Variants in GRIK4 observed in about 807,000 individuals in gnomAD.
The protein encoded by GRIK4 is glutamate receptor ionotropic, kainate 4.
In GRIK4, 40 loss-of-function variants were observed where a neutral mutation model predicts 104.9. The observed-to-expected ratio is 0.38, with a 90% CI of 0.30 to 0.50. The LOEUF (loss-of-function observed/expected upper bound fraction) is 0.50, where lower values mean the gene tolerates loss of function less well. GRIK4 is among the 20% of genes least tolerant of loss of function. The pLI is 0.93. For synonymous variants in GRIK4, 485 were observed against 524.9 expected (o/e 0.92, Z 1.04); for missense variants, 1,047 against 1,308.1 (o/e 0.80, Z 3.08).
At chr11:120,765,599 T>G (rs1951822957) in intron 3 of GRIK4, among the ~76,000 whole-genome samples, 2 of 152,226 alleles carry the variant, frequency 1.3e-5, no homozygotes. Context: ...CGTGGATTTA[T>G]CTACCTTTGG....
At chr11:120,830,986 CCCTCCTCCCACCAGGG>C (rs1464370883) in intron 6 of GRIK4, among the ~76,000 whole-genome samples, 2 of 151,842 alleles carry the variant, frequency 1.3e-5, no homozygotes, top group African/African-American at 4.8e-5. Flanking sequence ...ATTCTGGAAC[CCCTCCTCCCACCAGGG>C]CCCTAGGCAT....
intron 3 of GRIK4, among the ~76,000 whole-genome samples, chr11:120,668,281 GAGAA>G (rs947481134): frequency 5.7e-5 from 8 of 140,952 alleles, no homozygotes; most frequent in South Asian, 2.3e-4. Context: ...AGAAAAAAGA[GAGAA>G]AGAGAGAAAG....
chr11:120,672,567 A>G (rs1950037618), intron 3 of GRIK4, among the ~76,000 whole-genome samples: 1 of 152,224 alleles, frequency 6.6e-6, no homozygotes, highest in African/African-American at 2.4e-5. Flanking sequence ...ATCCATGAGC[A>G]TGGAATGTTT....
intron 11 of GRIK4, among the ~76,000 whole-genome samples, chr11:120,898,042 G>A (rs777065226): frequency 2.2e-4 from 33 of 152,156 alleles, no homozygotes; most frequent in Admixed American, 5.2e-4. Flanking sequence ...ATCTGGACTA[G>A]ACCTGTTTAG....
chr11:120,620,012 CTGTTAG>C, intron 1 of GRIK4: 1 of 496,348 alleles, frequency 2.0e-6, no homozygotes. Flanking sequence ...CTCGGTGGAG[CTGTTAG>C]CGTAGTGAAC....
Position 120,711,698 on chromosome 11 carries a change from T to C in GRIK4, c.82+51298T>C, listed in dbSNP as rs73586364. Among the ~76,000 whole-genome samples the C allele has an allele frequency of 7.8e-3, 1,191 of 152,324 alleles. 17 individuals carry two copies. Among genetic ancestry groups the C allele is most frequent in the African/African-American group, 0.027 (1,120 of 41,570 alleles). ...TTTTCCAGAAAAGAACTTCCCAAAA[T>C]GTCCATTGCAGGATGATCCAATAGA... On this transcript the variant is annotated intron_variant, in intron 3 of 20. Transcript: ENST00000527524.
rs759812835 is a variant in GRIK4 at position 120,874,091 on chromosome 11, C to T, written c.932C>T (p.Ala311Val). 2 of 1,611,014 alleles carry T rather than the reference C, an allele frequency of 1.2e-6. No homozygotes were observed. The highest frequency in any genetic ancestry group is 2.2e-5 in the South Asian group (2 of 90,920). Residue 311 changes from alanine to valine, a missense_variant, in exon 10 of 21, where the codon GCT (alanine) becomes GTT (valine). By Grantham distance (64) the Ala-to-Val change is moderately conservative (BLOSUM62 0). Coordinates refer to ENST00000527524, the MANE Select transcript of GRIK4 (RefSeq NM_014619.5). ...CTCTCCTCGGCCCTGCTGTTTGATG[C>T]TGTCTATGCTGTGGTGACTGCGGTG... ...PALSSALLFD[A>V]VYAVVTAVQE...
chr11:120,597,947 A>G (rs1445932159), intron 1 of GRIK4, among the ~76,000 whole-genome samples: 1 of 152,122 alleles, frequency 6.6e-6, no homozygotes, highest in East Asian at 1.9e-4. Flanking sequence ...TGTTTTCTGC[A>G]TTTTACTTAG....
At chr11:120,597,761 G>A (rs1317313) in intron 1 of GRIK4, among the ~76,000 whole-genome samples, 6,179 of 152,172 alleles carry the variant, frequency 0.041, 386 homozygotes, top group African/African-American at 0.14. Context: ...ATCTGAAAGC[G>A]AAAGGGAAAT....
chr11:120,736,817 G>A (rs1951232558), intron 3 of GRIK4, among the ~76,000 whole-genome samples: 1 of 151,256 alleles, frequency 6.6e-6, no homozygotes, highest in African/African-American at 2.4e-5. Flanking sequence ...ACTGAAAAAG[G>A]CCTAGAAAGT....
At chr11:120,591,708 G>A (rs17311317) in intron 1 of GRIK4, among the ~76,000 whole-genome samples, 42,613 of 152,010 alleles carry the variant, frequency 0.28, 7,752 homozygotes, top group Non-Finnish European at 0.41. Flanking sequence ...AGACAGCTCT[G>A]TTGTGTGTTT....
intron 1 of GRIK4, among the ~76,000 whole-genome samples, chr11:120,583,210 T>C (rs1380580687): frequency 1.3e-5 from 2 of 152,248 alleles, no homozygotes; most frequent in Non-Finnish European, 2.9e-5. Flanking sequence ...GTTTGGTTTT[T>C]GCTTGTTAAT....
At chr11:120,669,926 G>T (rs1246614610) in intron 3 of GRIK4, among the ~76,000 whole-genome samples, 2 of 152,136 alleles carry the variant, frequency 1.3e-5, no homozygotes, top group African/African-American at 4.8e-5. Flanking sequence ...ATCCCCACTG[G>T]GATGTCTAAC....
At chr11:120,661,220 G>A (rs559946095) in intron 3 of GRIK4, among the ~76,000 whole-genome samples, 19 of 152,284 alleles carry the variant, frequency 1.2e-4, no homozygotes, top group African/African-American at 4.3e-4. Context: ...GGGTGTCGGG[G>A]ATCAGGGGTG....
In GRIK4 at chr11:120,967,497, G is replaced by A. The variant is rs754198848; in HGVS notation, c.2395+174G>A. On this transcript the variant is annotated intron_variant, in intron 19 of 20. Transcript: ENST00000527524. The surrounding 1 kb of genome is among the most constrained non-coding windows in gnomAD (Gnocchi z 4.2). ...GATCAGGTCTGTCCCAGGGTCTTGCGTATCGCAGGCACCCAGTGTCCACCC... is the reference window on the plus strand; with the variant it reads ...GATCAGGTCTGTCCCAGGGTCTTGCATATCGCAGGCACCCAGTGTCCACCC... 4.6e-5 allele frequency among the ~76,000 whole-genome samples: 7 copies of A among 152,132 alleles called. No homozygotes were observed. The highest frequency in any genetic ancestry group is 9.7e-5 in the African/African-American group (4 of 41,406).
intron 3 of GRIK4, among the ~76,000 whole-genome samples, chr11:120,706,551 C>T (rs1239333567): frequency 6.6e-6 from 1 of 152,104 alleles, no homozygotes; most frequent in African/African-American, 2.4e-5. Context: ...GCTGGACTTC[C>T]AGGTGAGGGG....
At chr11:120,760,431 A>G (rs1181762878) in intron 3 of GRIK4, among the ~76,000 whole-genome samples, 1 of 117,632 alleles carries the variant, frequency 8.5e-6, no homozygotes, top group Non-Finnish European at 1.7e-5. Flanking sequence ...AAACATATAT[A>G]TACATATATA....
intron 4 of GRIK4, among the ~76,000 whole-genome samples, chr11:120,803,820 G>A (rs1314387445): frequency 1.3e-5 from 2 of 152,222 alleles, no homozygotes; most frequent in Non-Finnish European, 2.9e-5. Flanking sequence ...GGTCGCTCAA[G>A]TCACACATAT....
intron 1 of GRIK4, among the ~76,000 whole-genome samples, chr11:120,594,732 C>T (rs999503637): frequency 6.6e-6 from 1 of 152,168 alleles, no homozygotes; most frequent in Non-Finnish European, 1.5e-5. Flanking sequence ...GGTGTGCCCT[C>T]CTGTGATTCA....
Sources: gnomAD v4.1 joint callset for allele counts (sites outside exome capture counted in the v4.1 genomes callset) on GRCh38, gnomAD v4.1.1 for gene constraint, Gnocchi (gnomAD v3.1) non-coding constraint, MANE v1.5 for transcripts, NCBI Gene and HGNC (gene_info 2026-07-23, HGNC 2026-07-21) for gene names.